PCDHA8: variants seen among roughly 807,000 people sequenced by gnomAD.
The protein encoded by PCDHA8 is protocadherin alpha-8.
A neutral mutation model predicts 61.8 loss-of-function variants in PCDHA8; 53 were observed. The ratio of observed to expected loss-of-function variants is 0.86; its 90% CI spans 0.69 to 1.08. The LOEUF is 1.08. Among genes scored for constraint, PCDHA8 ranks in the 50% least tolerant of loss-of-function variants. PCDHA8 has a pLI of 0.00. For missense variants in PCDHA8, 1,293 were observed against 1,245.0 expected (o/e 1.04, Z -0.58); for synonymous variants, 618 against 556.6 (o/e 1.11, Z -1.55).
chr5:140,876,228 T>G (rs1196218506), intron 1 of PCDHA8: 6 of 1,613,958 alleles, frequency 3.7e-6, no homozygotes, highest in Non-Finnish European at 5.1e-6. Flanking sequence ...TAGTGTTGTC[T>G]GAAAATGTCC....
At chr5:141,007,395 C>CAAAAAA (rs35800918) in intron 3 of PCDHA8, among the ~76,000 whole-genome samples, 36 of 94,826 alleles carry the variant, frequency 3.8e-4, no homozygotes, top group African/African-American at 6.0e-4. Context: ...TACTAAAATA[C>CAAAAAA]AAAAAAAAAA....
In PCDHA8 at chr5:141,009,991, T is replaced by G. The variant is rs929729966; in HGVS notation, c.*54T>G. Reference sequence around the variant, plus strand: ...CCAGTTTTTGTAATAATGGCAAATCTCTCCCATGTAGCAATTCCCTGCTCC... The same window carrying G: ...CCAGTTTTTGTAATAATGGCAAATCGCTCCCATGTAGCAATTCCCTGCTCC... On this transcript the variant is annotated 3_prime_UTR_variant, in exon 4 of 4. Coordinates refer to ENST00000531613, the MANE Select transcript of PCDHA8 (RefSeq NM_018911.3). 13 of 1,578,088 alleles carry G rather than the reference T, an allele frequency of 8.2e-6. No individual in the cohort carries two copies. In the East Asian group the frequency reaches 2.5e-4, roughly 30 times the overall value.
At chr5:140,875,947 GA>G in intron 1 of PCDHA8, 1 of 1,614,184 alleles carries the variant, frequency 6.2e-7, no homozygotes, top group Non-Finnish European at 8.5e-7. Context: ...GGGCGCTTCT[GA>G]TGCGGATATC....
At chr5:140,863,966 A>G (rs1411552186) in intron 1 of PCDHA8, 1 of 154,822 alleles carries the variant, frequency 6.5e-6, no homozygotes, top group Non-Finnish European at 1.4e-5. Context: ...AGGCCACTGC[A>G]CTACAGCCTG....
At chr5:140,967,315 G>A (rs1554229427) in intron 1 of PCDHA8, 1 of 1,610,854 alleles carries the variant, frequency 6.2e-7, no homozygotes, top group African/African-American at 1.3e-5. Context: ...ACTCAGTACA[G>A]ACCTACGAGC....
chr5:140,859,671 C>T (rs2045960419), intron 1 of PCDHA8: 1 of 153,888 alleles, frequency 6.5e-6, no homozygotes, highest in Non-Finnish European at 1.4e-5. Context: ...CAAATAGCTT[C>T]AAATAAAATT....
intron 3 of PCDHA8, among the ~76,000 whole-genome samples, chr5:140,994,309 C>T (rs924119174): frequency 1.3e-5 from 2 of 152,072 alleles, no homozygotes; most frequent in African/African-American, 4.8e-5. Context: ...TTCACAGGGC[C>T]CAAACACTCT....
intron 1 of PCDHA8, among the ~76,000 whole-genome samples, chr5:140,941,034 G>A (rs1384147296): frequency 6.6e-6 from 1 of 151,968 alleles, no homozygotes; most frequent in Non-Finnish European, 1.5e-5. Context: ...GGCCTTTTTG[G>A]TGCCAAGTCA....
intron 1 of PCDHA8, among the ~76,000 whole-genome samples, chr5:140,900,724 C>T (rs552317505): frequency 2.0e-5 from 3 of 152,296 alleles, no homozygotes; most frequent in Admixed American, 1.3e-4. Flanking sequence ...GAAATCCTAC[C>T]TAGCAGTGGG....
At position 140,928,347 on chromosome 5, in the gene PCDHA8, G is replaced by A. The variant is rs139222568; in HGVS notation, c.2395-50602G>A. 5 of 1,614,148 alleles carry A rather than the reference G, an allele frequency of 3.1e-6. No homozygotes were observed. The African/African-American group carries it at 5.3e-5, about 17-fold the overall frequency. On this transcript the variant is annotated intron_variant, in intron 1 of 3. Coordinates refer to ENST00000531613, the MANE Select transcript of PCDHA8 (RefSeq NM_018911.3). ...ATGGCCTTGTCTCTTATGAGCTGTT[G>A]GATGTTATCTCTGAAGGGCCATCAG...
In PCDHA8 at chr5:140,850,849, G is replaced by A. The variant is rs2150500367; in HGVS notation, c.2394+7134G>A. On this transcript the variant is annotated intron_variant, in intron 1 of 3. Coordinates refer to ENST00000531613, the MANE Select transcript of PCDHA8 (RefSeq NM_018911.3). ...TCTCCTTGTGCTGGATCTACAGAGC[G>A]AACGGGAGAACCCTCTGCTTCCTCA... The A allele has an allele frequency of 8.1e-6, 13 of 1,596,194 alleles. 3 individuals are homozygous for A. Among genetic ancestry groups the A allele is most frequent in the East Asian group, 2.2e-5 (1 of 44,844 alleles).
At chr5:140,915,814 A>G (rs2077313905) in intron 1 of PCDHA8, among the ~76,000 whole-genome samples, 1 of 152,102 alleles carries the variant, frequency 6.6e-6, no homozygotes, top group African/African-American at 2.4e-5. Flanking sequence ...TGTTCACTCA[A>G]GGCCCTAGGG....
chr5:140,927,825 GGCGAGGGA>G (rs782044178), intron 1 of PCDHA8: 1 of 1,614,098 alleles, frequency 6.2e-7, no homozygotes, highest in Non-Finnish European at 8.5e-7. Context: ...CATACATTGA[GGCGAGGGA>G]CGAAGGTGTC....
intron 3 of PCDHA8, among the ~76,000 whole-genome samples, chr5:140,990,330 A>C (rs1554251426): frequency 6.6e-6 from 1 of 152,122 alleles, no homozygotes; most frequent in African/African-American, 2.4e-5. Context: ...AAACTTTAAA[A>C]ATAAGTAAAG....
rs1487503403 is a variant in PCDHA8 at position 140,941,191 on chromosome 5, T to TTTCTTTC, written c.2395-37756_2395-37755insCTTTCTT. Among the ~76,000 whole-genome samples, 158 of 93,240 alleles carry TTTCTTTC rather than the reference T, an allele frequency of 1.7e-3. 2 individuals carry two copies. Among genetic ancestry groups the TTTCTTTC allele is most frequent in the South Asian group, 0.011 (38 of 3,542 alleles). 61.2% of individuals were successfully genotyped at this position (93,240 alleles called of 152,430 possible). A position where few individuals can be genotyped will look rare whatever the true frequency, so the allele number is the denominator to read the frequency against. ...CATCTTGAACATCCTGCTTCTTTTT[T>TTTCTTTC]TTTCTTTCTTCCTTTCTTTCTTCCT... On this transcript the variant is annotated intron_variant, in intron 1 of 3. Transcript: ENST00000531613.
At chr5:140,945,147 T>C (rs1554216774) in intron 1 of PCDHA8, among the ~76,000 whole-genome samples, 1 of 152,154 alleles carries the variant, frequency 6.6e-6, no homozygotes, top group Non-Finnish European at 1.5e-5. Flanking sequence ...ATAGCATTTC[T>C]ATACACTATT....
At chr5:140,883,719 C>T in intron 1 of PCDHA8, 1 of 1,613,598 alleles carries the variant, frequency 6.2e-7, no homozygotes, top group Non-Finnish European at 8.5e-7. Context: ...GACGCGGACG[C>T]ACAGGAGAAC....
intron 3 of PCDHA8, among the ~76,000 whole-genome samples, chr5:141,007,375 A>G (rs2098319986): frequency 6.8e-6 from 1 of 146,418 alleles, no homozygotes; most frequent in Non-Finnish European, 1.5e-5. Context: ...ACATGATGGA[A>G]CACCATCTCT....
intron 1 of PCDHA8, chr5:140,927,303 G>T: frequency 6.2e-7 from 1 of 1,614,150 alleles, no homozygotes. Flanking sequence ...CCGAGTTCCT[G>T]ACGCCCGGAG....
Sources: allele counts gnomAD v4.1 joint callset (sites outside exome capture counted in the v4.1 genomes callset), GRCh38; gene constraint gnomAD v4.1.1; transcripts MANE v1.5; gene names NCBI Gene and HGNC (gene_info 2026-07-23, HGNC 2026-07-21).